Variants in MROH7 observed in about 807,000 individuals in gnomAD.
MROH7 encodes the protein maestro heat like repeat family member 7.
In MROH7, 113 loss-of-function variants were observed where a neutral mutation model predicts 129.2. The observed-to-expected ratio is 0.87, with a 90% CI of 0.75 to 1.02. The LOEUF (loss-of-function observed/expected upper bound fraction) is 1.02, where lower values mean the gene tolerates loss of function less well. MROH7 is among the 50% of genes least tolerant of loss of function. The pLI, the probability that MROH7 is intolerant of heterozygous loss-of-function variation, is 0.00. For synonymous variants in MROH7, 655 were observed against 667.9 expected (o/e 0.98, Z 0.30); for missense variants, 1,601 against 1,671.3 (o/e 0.96, Z 0.73).
intron 4 of MROH7, among the ~76,000 whole-genome samples, chr1:54,667,215 G>A (rs781372489): frequency 2.3e-4 from 35 of 152,292 alleles, no homozygotes; most frequent in Non-Finnish European, 4.1e-4. Flanking sequence ...TAACTCCTCT[G>A]AGTGGTCTTC....
At chr1:54,680,104 C>T in intron 13 of MROH7, 59 bp downstream of exon 13, 1 of 1,548,646 alleles carries the variant, frequency 6.5e-7, no homozygotes, top group Non-Finnish European at 8.9e-7. Flanking sequence ...AGCCCCCACC[C>T]CAGGTTGGGG....
intron 3 of MROH7, chr1:54,663,685 T>TAAAA (rs1225623141): frequency 1.8e-4 from 51 of 276,606 alleles, no homozygotes; most frequent in East Asian, 3.3e-4. Context: ...CCATCAGCTC[T>TAAAA]AAAAAAAAAA....
intron 1 of MROH7, among the ~76,000 whole-genome samples, chr1:54,647,742 A>G (rs932117138): frequency 6.8e-3 from 16 of 2,344 alleles, no homozygotes; most frequent in Admixed American, 0.035. Context: ...CTCTGTATTG[A>G]AAAAAAAAAA....
At chr1:54,706,125 T>C (rs1462922923) in intron 21 of MROH7, among the ~76,000 whole-genome samples, 32 of 152,144 alleles carry the variant, frequency 2.1e-4, no homozygotes, top group Admixed American at 2.1e-3. Context: ...TCAAACTGTC[T>C]CCTTACCTAT....
intron 17 of MROH7, chr1:54,699,792 G>A (rs1244208781): frequency 8.3e-6 from 3 of 363,438 alleles, no homozygotes; most frequent in Non-Finnish European, 4.9e-6. Flanking sequence ...TCAGGAGGAA[G>A]TCCAGGGCAC....
intron 1 of MROH7, among the ~76,000 whole-genome samples, chr1:54,644,670 T>TA (rs199635838): frequency 0.24 from 35,098 of 145,284 alleles, 4,240 homozygotes; most frequent in East Asian, 0.36. Context: ...TTTTTTAATG[T>TA]AAAAAAAAAA....
rs1336600740 is a variant in MROH7, at chr1:54,653,479, G to A, written c.553G>A (p.Glu185Lys). Reference sequence around the variant, plus strand: ...CCCATTTATAAGGCACCATTCCAGAGAAGGTCTGGTTCTGGGCCACTGCAT... The same window carrying A: ...CCCATTTATAAGGCACCATTCCAGAAAAGGTCTGGTTCTGGGCCACTGCAT... Reference protein sequence around the residue: ...LNPFIRHHSREGLVLGHCISR... With the variant: ...LNPFIRHHSRKGLVLGHCISR... The change falls in exon 3 of 24, where the codon GAA becomes AAA. Residue 185 changes from glutamate to lysine, a missense_variant. Physicochemically the swap from Glu to Lys is moderately conservative, Grantham distance 56. Transcript: ENST00000421030. 1 of 1,614,182 alleles carries A rather than the reference G, an allele frequency of 6.2e-7. No homozygotes were observed.
At chr1:54,700,941 C>T (rs1312652734) in intron 18 of MROH7, among the ~76,000 whole-genome samples, 1 of 152,210 alleles carries the variant, frequency 6.6e-6, no homozygotes, top group East Asian at 1.9e-4. Flanking sequence ...GGGTCCTGGC[C>T]AACGAGTCAG....
At position 54,699,893 on chromosome 1, in the gene MROH7, C is replaced by T. The variant is rs41297855; in HGVS notation, c.2965-428C>T. 788 of 563,194 alleles carry T rather than the reference C, an allele frequency of 1.4e-3. 1 individual carries two copies. The highest frequency in any genetic ancestry group is 2.0e-3 in the Non-Finnish European group (648 of 319,948). The allele number at this position is 563,194 out of a possible 1,614,324, so 34.9% of individuals were successfully genotyped here. A position where few individuals can be genotyped will look rare whatever the true frequency, so the allele number is the denominator to read the frequency against. ...AAGGCTCTGAGTTTTGGATGGAGCCCTGCGAGGTGGCAGGGGTCAGAGTGG... is the reference window on the plus strand; with the variant it reads ...AAGGCTCTGAGTTTTGGATGGAGCCTTGCGAGGTGGCAGGGGTCAGAGTGG... On this transcript the variant is annotated intron_variant, in intron 17 of 23. Coordinates refer to ENST00000421030, the MANE Select transcript of MROH7 (RefSeq NM_001039464.4).
chr1:54,692,498 AG>A lies in MROH7; in HGVS notation c.2789del (p.Gly930ValfsTer82). 1.9e-6 allele frequency: 3 copies of A among 1,584,608 alleles called. No individual in the cohort carries two copies. The highest frequency in any genetic ancestry group is 1.7e-6 in the Non-Finnish European group (2 of 1,160,870). Reference protein sequence around the residue: ...CSYETTFLEDQGGWELMEQVE... With the variant: ...CSYETTFLEDXGGWELMEQVE... ...TATGAGACCACGTTTCTGGAGGACC[AG>A]GGTGGCTGGGAGCTCATGGAGCAGG... is the stretch of plus-strand genomic sequence containing the variant. On this transcript the variant is annotated frameshift_variant, in exon 16 of 24. Coordinates refer to ENST00000421030, the MANE Select transcript of MROH7 (RefSeq NM_001039464.4). LOFTEE classifies it high-confidence loss of function.
At chr1:54,680,476 C>T (rs556686688) in intron 13 of MROH7, among the ~76,000 whole-genome samples, 1 of 152,320 alleles carries the variant, frequency 6.6e-6, no homozygotes, top group East Asian at 1.9e-4. Context: ...CTCTCTTTCC[C>T]CCTTAGGCAA....
chr1:54,686,143 G>C, intron 14 of MROH7, 115 bp from the exon 15 acceptor site: 1 of 924,786 alleles, frequency 1.1e-6, no homozygotes, highest in Non-Finnish European at 1.6e-6. Flanking sequence ...CCCAGGCTGG[G>C]CCAGAGGACA....
intron 14 of MROH7, among the ~76,000 whole-genome samples, chr1:54,684,943 T>C (rs764758596): frequency 6.6e-6 from 1 of 152,210 alleles, no homozygotes; most frequent in Non-Finnish European, 1.5e-5. Flanking sequence ...CAAGGGAACA[T>C]GTCAGGGGTT....
chr1:54,670,706 C>A, intron 6 of MROH7, 94 bp from the exon 7 acceptor site: 1 of 1,527,596 alleles, frequency 6.5e-7, no homozygotes. Context: ...TTCCCCTCCC[C>A]TTGCCCAGTC....
rs199865197 is a variant in MROH7 at position 54,695,410 on chromosome 1, C to T, written c.2884C>T (p.Arg962Cys). The change falls in exon 17 of 24, where the codon CGC becomes TGC. Residue 962 changes from arginine (R) to cysteine (C), a missense_variant. By Grantham distance (180) the Arg-to-Cys change is radical (BLOSUM62 -3). Coordinates refer to ENST00000421030, the MANE Select transcript of MROH7 (RefSeq NM_001039464.4). ...MVQYSCQELC[R>C]ILYLLIPLLE... ...GCAGTACTCCTGCCAGGAGCTGTGC[C>T]GCATCCTCTACCTGCTCATCCCGCT... 7.9e-5 allele frequency: 128 copies of T among 1,613,440 alleles called. No individual in the cohort carries two copies. The African/African-American group carries it at 1.1e-3, about 13-fold the overall frequency.
At chr1:54,671,659 G>C (rs1644906394) in intron 7 of MROH7, among the ~76,000 whole-genome samples, 1 of 152,174 alleles carries the variant, frequency 6.6e-6, no homozygotes, top group Admixed American at 6.5e-5. Context: ...CTCAGGGTAG[G>C]ATGAAGGGGA....
intron 21 of MROH7, among the ~76,000 whole-genome samples, chr1:54,704,016 G>C (rs984623039): frequency 2.0e-5 from 3 of 152,084 alleles, no homozygotes; most frequent in African/African-American, 7.2e-5. Flanking sequence ...CCAGAGTTGG[G>C]GGAATTAATC....
Position 54,674,163 on chromosome 1 carries a change from C to G in MROH7, c.1936+12C>G, listed in dbSNP as rs533213383. 10 of 1,609,328 alleles carry G rather than the reference C, an allele frequency of 6.2e-6. No individual in the cohort carries two copies. Among genetic ancestry groups the G allele is most frequent in the South Asian group, 5.5e-5 (5 of 90,194 alleles). On this transcript the variant is annotated intron_variant, in intron 10 of 23. Transcript: ENST00000421030. ...GGAGCTCCAAAAACGTAAGCCCTAT[C>G]GGAGTACTTCTGAAGGAAGTCTTCT...
At chr1:54,664,724 C>CAGTGT (rs1249759563) in intron 3 of MROH7, among the ~76,000 whole-genome samples, 2 of 152,150 alleles carry the variant, frequency 1.3e-5, no homozygotes, top group Non-Finnish European at 2.9e-5. Context: ...CTTAAAAGCT[C>CAGTGT]AGTGTAGGCT....
Sources: gnomAD v4.1 joint callset for allele counts (sites outside exome capture counted in the v4.1 genomes callset) on GRCh38, gnomAD v4.1.1 for gene constraint, MANE v1.5 for transcripts, NCBI Gene and HGNC (gene_info 2026-07-23, HGNC 2026-07-21) for gene names.